The following PCNX1 variants were observed in gnomAD, a reference collection of about 807,000 sequenced individuals.
The protein encoded by PCNX1 is pecanex 1.
PCNX1 carries 78 observed loss-of-function variants against 242.2 expected under a neutral mutation model. The ratio of observed to expected loss-of-function variants is 0.32; its 90% CI spans 0.27 to 0.39. The LOEUF (loss-of-function observed/expected upper bound fraction) is 0.39, where lower values mean the gene tolerates loss of function less well. Among genes scored for constraint, PCNX1 ranks in the 10% least tolerant of loss-of-function variants. PCNX1 has a pLI of 1.00. For synonymous variants in PCNX1, 1,024 were observed against 1,032.9 expected (o/e 0.99, Z 0.17); for missense variants, 2,581 against 2,856.5 (o/e 0.90, Z 2.20).
At chr14:70,925,634 C>G (rs999988357) in intron 1 of PCNX1, among the ~76,000 whole-genome samples, 2 of 117,136 alleles carry the variant, frequency 1.7e-5, no homozygotes, top group African/African-American at 6.7e-5. Flanking sequence ...CTACTCAGGT[C>G]TTTTTATTTG....
At chr14:70,980,830 A>G (rs1428287781) in intron 6 of PCNX1, among the ~76,000 whole-genome samples, 1 of 152,180 alleles carries the variant, frequency 6.6e-6, no homozygotes, top group Non-Finnish European at 1.5e-5. Context: ...CCTGTCAACC[A>G]TCATGTTACT....
Position 71,036,121 on chromosome 14 carries a change from T to A in PCNX1, c.3831T>A (p.Phe1277Leu), listed in dbSNP as rs1054335140. ...GCATTGTAATTGGTGTGCTGTATTT[T>A]GCTATTCATGTAAGCACAGTCTTCA... ...VVCIVIGVLY[F>L]AIHVSTVFTV... The change falls in exon 19 of 36, where the codon TTT (phenylalanine) becomes TTA (leucine). Residue 1277 changes from phenylalanine (F) to leucine (L), a missense_variant. By Grantham distance (22) the Phe-to-Leu change is conservative. Around this residue, in one of 9 missense-constraint regions of PCNX1, gnomAD observed 432 missense variants for 443.1 expected, o/e 0.97. Transcript: ENST00000304743. The A allele has an allele frequency of 1.9e-6, 3 of 1,607,898 alleles. No homozygotes were observed. The highest frequency in any genetic ancestry group is 2.7e-5 in the African/African-American group (2 of 74,790).
chr14:71,082,908 T>G (rs530115894), intron 28 of PCNX1, among the ~76,000 whole-genome samples: 1 of 152,198 alleles, frequency 6.6e-6, no homozygotes, highest in South Asian at 2.1e-4. Context: ...GCTGGTTATT[T>G]TGCCCATTAG....
intron 8 of PCNX1, among the ~76,000 whole-genome samples, chr14:71,001,704 A>G (rs530386409): frequency 6.6e-6 from 1 of 152,364 alleles, no homozygotes; most frequent in South Asian, 2.1e-4. Flanking sequence ...TGGTTAGTAT[A>G]TGCATTAGTT....
Position 71,036,089 on chromosome 14 carries a change from G to A in PCNX1, c.3799G>A (p.Val1267Ile). Reference sequence around the variant, plus strand: ...GAGTGAGCGATTACAGTCTGACCTGGTAGTATGCATTGTAATTGGTGTGCT... The same window carrying A: ...GAGTGAGCGATTACAGTCTGACCTGATAGTATGCATTGTAATTGGTGTGCT... ...SVSERLQSDL[V>I]VCIVIGVLYF... is the part of the protein sequence containing the mutation. Residue 1267 changes from valine (V) to isoleucine (I), a missense_variant, in exon 19 of 36, where the codon GTA becomes ATA. Val to Ile is a conservative substitution (Grantham distance 29). Around this residue, in one of 9 missense-constraint regions of PCNX1, gnomAD observed 432 missense variants for 443.1 expected, o/e 0.97. Transcript: ENST00000304743. 1 of 1,605,296 alleles carries A rather than the reference G, an allele frequency of 6.2e-7. No homozygotes were observed. Among genetic ancestry groups the A allele is most frequent in the Non-Finnish European group, 8.5e-7 (1 of 1,172,134 alleles).
At position 70,972,495 on chromosome 14, in the gene PCNX1, GC is replaced by G. The variant is rs145834985; in HGVS notation, c.604+3386del. 8.4e-3 allele frequency among the ~76,000 whole-genome samples: 1,281 copies of G among 152,274 alleles called. 10 individuals are homozygous for G. Among genetic ancestry groups the G allele is most frequent in the African/African-American group, 0.029 (1,207 of 41,544 alleles). On this transcript the variant is annotated intron_variant, in intron 5 of 35. Transcript: ENST00000304743. ...AGTATCAGGGCAAGCATACTTGTTA[GC>G]TGCTTGGGGTTTATGTGGCCTTTAC...
chr14:71,002,265 C>T (rs750157580), intron 8 of PCNX1, among the ~76,000 whole-genome samples: 50 of 152,128 alleles, frequency 3.3e-4, no homozygotes, highest in Non-Finnish European at 1.2e-4. Context: ...GTAATTCCCC[C>T]AAATCTTAGT....
At chr14:71,088,536 A>G in intron 29 of PCNX1, 106 bp downstream of exon 29, 2 of 617,406 alleles carry the variant, frequency 3.2e-6, no homozygotes, top group South Asian at 4.5e-5. Context: ...ATTTATTGTA[A>G]AGTCTTTTTA....
chr14:70,992,206 T>A (rs934393876), intron 7 of PCNX1, among the ~76,000 whole-genome samples: 8 of 152,128 alleles, frequency 5.3e-5, no homozygotes, highest in African/African-American at 1.9e-4. Context: ...TCATCCTAAA[T>A]GTGTTATCTT....
At position 71,114,478 on chromosome 14, in the gene PCNX1, TTA is replaced by T. The variant is rs1421368943; in HGVS notation, c.*4545_*4546del. 6.6e-6 allele frequency: 1 copy of T among 152,464 alleles called. No individual in the cohort carries two copies. Among genetic ancestry groups the T allele is most frequent in the African/African-American group, 2.4e-5 (1 of 41,446 alleles). The allele number at this position is 152,464 out of a possible 1,614,324, so 9.4% of individuals were successfully genotyped here. On this transcript the variant is annotated 3_prime_UTR_variant, in exon 36 of 36. Transcript: ENST00000304743. ...CCTCACCAGAGTCATCTGTCAAGAA[TTA>T]TGTATAACAATTTATCTTTATTGCC...
At chr14:71,015,800 C>A (rs1362416864) in intron 11 of PCNX1, among the ~76,000 whole-genome samples, 1 of 152,104 alleles carries the variant, frequency 6.6e-6, no homozygotes, top group East Asian at 1.9e-4. Flanking sequence ...ATAGGAAACA[C>A]ATGACAAGAT....
chr14:71,013,694 A>G (rs1192027937), intron 11 of PCNX1, among the ~76,000 whole-genome samples: 1 of 152,192 alleles, frequency 6.6e-6, no homozygotes, highest in Non-Finnish European at 1.5e-5. Flanking sequence ...TACGTGAAAC[A>G]GTGGTTTTCA....
In PCNX1 at chr14:70,944,003, C is replaced by G. The variant is rs369655097; in HGVS notation, c.154-2912C>G. Reference sequence around the variant, plus strand: ...GGATTTCAGAGGATGTATGGAAGTGCCTGGATGTCTGGGCAGAAGTCTGCT... The same window carrying G: ...GGATTTCAGAGGATGTATGGAAGTGGCTGGATGTCTGGGCAGAAGTCTGCT... On this transcript the variant is annotated intron_variant, in intron 1 of 35. Transcript: ENST00000304743. Among the ~76,000 whole-genome samples, 536 of 152,232 alleles carry G rather than the reference C, an allele frequency of 3.5e-3. 1 individual carries two copies. The highest frequency in any genetic ancestry group is 0.013 in the African/African-American group (520 of 41,514).
chr14:70,962,409 C>G (rs1467170620), intron 3 of PCNX1, 78 bp downstream of exon 3: 2 of 740,948 alleles, frequency 2.7e-6, no homozygotes, highest in Admixed American at 1.9e-5. Context: ...GTCTTTAAGT[C>G]GGCTGATGTT....
chr14:71,039,893 C>G (rs758970971), intron 19 of PCNX1, among the ~76,000 whole-genome samples: 1 of 152,190 alleles, frequency 6.6e-6, no homozygotes, highest in Non-Finnish European at 1.5e-5. Flanking sequence ...CATGTAATTA[C>G]CATGTTTAGT....
At chr14:70,927,693 G>A (rs180783971) in intron 1 of PCNX1, among the ~76,000 whole-genome samples, 33 of 151,964 alleles carry the variant, frequency 2.2e-4, no homozygotes, top group East Asian at 5.8e-4. Flanking sequence ...AGGTTCAAGC[G>A]ATTCTCCTGC....
intron 27 of PCNX1, 25 bp downstream of exon 27, chr14:71,073,823 C>A: frequency 6.6e-7 from 1 of 1,518,314 alleles, no homozygotes. Flanking sequence ...CTACTTAGAT[C>A]TTTAGATAAT....
At chr14:71,055,140 A>G (rs1033624924) in intron 24 of PCNX1, among the ~76,000 whole-genome samples, 3 of 152,214 alleles carry the variant, frequency 2.0e-5, no homozygotes, top group Non-Finnish European at 4.4e-5. Context: ...GCATTAATAC[A>G]TACACCTTCC....
Position 71,076,404 on chromosome 14 carries a change from T to C in PCNX1, c.5322T>C (p.Ser1774=). ...VIYLNWIEYC[S]SRRAKPVDVD... ...ACCTCAACTGGATAGAGTACTGCTC[T>C]TCCCGAAGAGCAAAGGTAGAGTTTA... is the stretch of plus-strand genomic sequence containing the variant. The change falls in exon 28 of 36, where the codon TCT becomes TCC. Residue 1774 remains serine (S), a synonymous_variant. Transcript: ENST00000304743. 6.2e-7 allele frequency: 1 copy of C among 1,600,080 alleles called. No individual in the cohort carries two copies. Among genetic ancestry groups the C allele is most frequent in the South Asian group, 1.1e-5 (1 of 90,748 alleles).
Sources: gnomAD v4.1 joint callset for allele counts (sites outside exome capture counted in the v4.1 genomes callset) on GRCh38, gnomAD v4.1.1 for gene constraint, gnomAD v4.1.1 regional missense constraint, MANE v1.5 for transcripts, NCBI Gene and HGNC (gene_info 2026-07-23, HGNC 2026-07-21) for gene names.